Variants in NHS observed in about 807,000 individuals in gnomAD.
The protein encoded by NHS is NHS actin remodeling regulator.
Under a neutral mutation model 72.5 loss-of-function variants are expected in NHS, and 5 were observed. The ratio of observed to expected loss-of-function variants is 0.07; its 90% confidence interval spans 0.04 to 0.14. NHS has a LOEUF of 0.14. Among genes scored for constraint, NHS ranks in the 10% least tolerant of loss-of-function variants. The pLI, the probability that NHS is intolerant of heterozygous loss-of-function variation, is 1.00. For missense variants in NHS, 1,072 were observed against 1,355.7 expected (o/e 0.79, Z 3.29); for synonymous variants, 464 against 547.7 (o/e 0.85, Z 2.13).
At chrX:17,504,455 T>A in intron 1 of NHS, among the ~76,000 whole-genome samples, 1 of 112,560 alleles carries the variant, frequency 8.9e-6, no homozygotes. Flanking sequence ...GATGTGAAAT[T>A]GACCCTCAAG....
At chrX:17,725,217 A>AT (rs1005361978) in intron 6 of NHS, 130 bp from the exon 7 acceptor site, 9 of 554,254 alleles carry the variant, frequency 1.6e-5, no homozygotes, top group Middle Eastern at 5.3e-4. Context: ...CTATATATTG[A>AT]TTTTTTTTCT....
In NHS at chrX:17,725,624, C is replaced by G. The variant is rs766758572; in HGVS notation, c.1518C>G (p.Ser506Arg). Reference sequence around the variant, plus strand: ...TGAGCAGCCGCACAAGATCTCGGAGCCTTCCCCGGGAAGGTAATAGAGGTG... The same window carrying G: ...TGAGCAGCCGCACAAGATCTCGGAGGCTTCCCCGGGAAGGTAATAGAGGTG... Reference protein sequence around the residue: ...PAVSSRTRSRSLPREGNRGGD... With the variant: ...PAVSSRTRSRRLPREGNRGGD... Residue 506 changes from serine (S) to arginine (R), a missense_variant, in exon 7 of 9, where the codon AGC (serine) becomes AGG (arginine). Physicochemically the swap from Ser to Arg is moderately radical, Grantham distance 110. Coordinates refer to ENST00000676302, the MANE Select transcript of NHS (RefSeq NM_001291867.2). 3.3e-6 allele frequency: 4 copies of G among 1,211,444 alleles called. No individual in the cohort carries two copies. Among genetic ancestry groups the G allele is most frequent in the Non-Finnish European group, 3.4e-6 (3 of 895,473 alleles).
intron 1 of NHS, among the ~76,000 whole-genome samples, chrX:17,555,791 C>G (rs1447366835): frequency 8.9e-6 from 1 of 111,818 alleles, no homozygotes; most frequent in Non-Finnish European, 1.9e-5. Context: ...TCCACCCACC[C>G]CCAGGAGGTT....
intron 1 of NHS, among the ~76,000 whole-genome samples, chrX:17,468,407 C>T (rs905172555): frequency 5.5e-5 from 6 of 109,845 alleles, no homozygotes; most frequent in African/African-American, 2.0e-4. Context: ...TCACTCTCAG[C>T]TCATCATTTA....
intron 1 of NHS, among the ~76,000 whole-genome samples, chrX:17,536,684 A>G (rs1356347147): frequency 3.6e-5 from 4 of 112,609 alleles, no homozygotes; most frequent in African/African-American, 1.3e-4. Context: ...TTTTTCTTTA[A>G]GAAAATCTAA....
At chrX:17,403,507 A>C (rs1027280238) in intron 1 of NHS, among the ~76,000 whole-genome samples, 2 of 111,497 alleles carry the variant, frequency 1.8e-5, no homozygotes, top group Admixed American at 1.9e-4. Flanking sequence ...TATGGGGCAC[A>C]TTCCTGCTGG....
intron 1 of NHS, among the ~76,000 whole-genome samples, chrX:17,535,798 T>C (rs947606124): frequency 9.0e-6 from 1 of 111,253 alleles, no homozygotes; most frequent in African/African-American, 3.3e-5. Flanking sequence ...CCCAGGCTGT[T>C]CTTGAACTCC....
At chrX:17,495,806 A>C (rs1253213857) in intron 1 of NHS, among the ~76,000 whole-genome samples, 1 of 112,252 alleles carries the variant, frequency 8.9e-6, no homozygotes, top group Non-Finnish European at 1.9e-5. Flanking sequence ...AGGGAATTTA[A>C]TATAAGGAAT....
At chrX:17,571,960 A>G (rs1569284819) in intron 1 of NHS, among the ~76,000 whole-genome samples, 1 of 111,974 alleles carries the variant, frequency 8.9e-6, no homozygotes, top group Non-Finnish European at 1.9e-5. Flanking sequence ...TTCAGTTTCC[A>G]TGTAGTTGTG....
chrX:17,697,898 A>G (rs2066240445), intron 3 of NHS, among the ~76,000 whole-genome samples: 1 of 110,135 alleles, frequency 9.1e-6, no homozygotes, highest in African/African-American at 3.3e-5. Context: ...AAGGACATTA[A>G]AATGGTATAA....
chrX:17,598,969 A>G (rs2065637242), intron 1 of NHS, among the ~76,000 whole-genome samples: 1 of 111,480 alleles, frequency 9.0e-6, no homozygotes, highest in African/African-American at 3.3e-5. Context: ...GATTAGTTTG[A>G]ACTGTTTTTT....
chrX:17,412,250 A>G lies in NHS; in HGVS notation c.565+35928A>G, dbSNP rs188250811. On this transcript the variant is annotated intron_variant, in intron 1 of 8. Coordinates refer to ENST00000676302, the MANE Select transcript of NHS (RefSeq NM_001291867.2). Reference sequence around the variant, plus strand: ...TATTAAGATAATATATATGTATTCTATCATCATATCAAGAACATAGCTCAA... The same window carrying G: ...TATTAAGATAATATATATGTATTCTGTCATCATATCAAGAACATAGCTCAA... 1.3e-4 allele frequency among the ~76,000 whole-genome samples: 14 copies of G among 109,519 alleles called. 1 individual carries two copies. The Admixed American group carries it at 1.4e-3, about 11-fold the overall frequency.
At chrX:17,676,788 C>G (rs181340959) in intron 1 of NHS, among the ~76,000 whole-genome samples, 2 of 112,493 alleles carry the variant, frequency 1.8e-5, no homozygotes, top group East Asian at 5.6e-4. Flanking sequence ...ATTTTCAGTA[C>G]AGGTTGCTGA....
At chrX:17,594,938 G>A (rs1409973027) in intron 1 of NHS, among the ~76,000 whole-genome samples, 12 of 112,201 alleles carry the variant, frequency 1.1e-4, no homozygotes. Flanking sequence ...CTCTGGGAGA[G>A]GAGGAATCAC....
chrX:17,463,038 A>G (rs1054968001), intron 1 of NHS, among the ~76,000 whole-genome samples: 1 of 112,254 alleles, frequency 8.9e-6, no homozygotes, highest in African/African-American at 3.2e-5. Flanking sequence ...TACCAGTAGC[A>G]TGAGCTGTGA....
At chrX:17,643,239 G>T (rs1367333902) in intron 1 of NHS, among the ~76,000 whole-genome samples, 1 of 111,874 alleles carries the variant, frequency 8.9e-6, no homozygotes, top group Non-Finnish European at 1.9e-5. Flanking sequence ...TTTAGACTCA[G>T]TTCTCTCTGG....
intron 1 of NHS, among the ~76,000 whole-genome samples, chrX:17,456,113 A>G (rs1384924541): frequency 4.5e-5 from 5 of 112,001 alleles, no homozygotes; most frequent in African/African-American, 1.6e-4. Context: ...AGCCAAGCTC[A>G]TTTGTAGAAA....
intron 1 of NHS, among the ~76,000 whole-genome samples, chrX:17,489,478 T>TTTG (rs201911048): frequency 6.8e-4 from 75 of 111,085 alleles, no homozygotes; most frequent in African/African-American, 1.2e-3. Context: ...TTTGTTTTTC[T>TTTG]TTGTTGTTGT....
intron 1 of NHS, among the ~76,000 whole-genome samples, chrX:17,640,368 GAT>G (rs2065874853): frequency 9.0e-6 from 1 of 111,647 alleles, no homozygotes; most frequent in Non-Finnish European, 1.9e-5. Flanking sequence ...ATAACTCATT[GAT>G]CTTGAATGTA....
Sources: allele counts gnomAD v4.1 joint callset (sites outside exome capture counted in the v4.1 genomes callset), GRCh38; gene constraint gnomAD v4.1.1; transcripts MANE v1.5; gene names NCBI Gene and HGNC (gene_info 2026-07-23, HGNC 2026-07-21).